Variants in PRH1 observed in about 807,000 individuals in gnomAD.
PRH1 encodes salivary acidic proline-rich phosphoprotein 1/2.
In PRH1, 7 loss-of-function variants were observed where a neutral mutation model predicts 7.9. The observed-to-expected ratio is 0.89, with a 90% CI of 0.50 to 1.67. The LOEUF is 1.67. Ranked by LOEUF, PRH1 falls within the 40% of genes most tolerant of loss-of-function variation. The probability of loss-of-function intolerance (pLI) is 0.00; values close to 1 mark genes in which losing one functional copy is unlikely to be tolerated. For synonymous variants in PRH1, 45 were observed against 80.8 expected, an observed-to-expected ratio of 0.56 and a Z score of 2.38; for missense variants, 109 against 223.6, an observed-to-expected ratio of 0.49 and a Z score of 3.27.
intron 1 of PRH1, among the ~76,000 whole-genome samples, chr12:11,040,503 G>A (rs1942664124): frequency 6.6e-6 from 1 of 152,126 alleles, no homozygotes; most frequent in Admixed American, 6.6e-5. Flanking sequence ...CTCATAAGTG[G>A]GAATTGAACA....
upstream of PRH1, among the ~76,000 whole-genome samples, chr12:11,051,360 T>C (rs1943135010): frequency 6.6e-6 from 1 of 152,218 alleles, no homozygotes; most frequent in Non-Finnish European, 1.5e-5. Context: ...ATGTATACAG[T>C]GTATTTTTCC....
chr12:11,104,211 A>T (rs1176948762), intron 1 of PRH1, among the ~76,000 whole-genome samples: 2 of 151,536 alleles, frequency 1.3e-5, no homozygotes, highest in Non-Finnish European at 1.5e-5. Flanking sequence ...AAAGGAAGAA[A>T]ATAGAATTTG....
At chr12:11,014,977 G>A (rs1467177278) in intron 1 of PRH1, among the ~76,000 whole-genome samples, 1 of 152,118 alleles carries the variant, frequency 6.6e-6, no homozygotes, top group African/African-American at 2.4e-5. Flanking sequence ...AGGCACCAGG[G>A]AGAGGCAATT....
intron 2 of PRH1, among the ~76,000 whole-genome samples, chr12:10,906,562 A>G (rs1949806318): frequency 1.3e-5 from 2 of 152,172 alleles, no homozygotes; most frequent in African/African-American, 2.4e-5. Flanking sequence ...CCCATGTGTT[A>G]TGGGAGGGAC....
At chr12:11,015,815 AT>A (rs954449518) in intron 1 of PRH1, among the ~76,000 whole-genome samples, 1 of 121,096 alleles carries the variant, frequency 8.3e-6, no homozygotes, top group African/African-American at 2.8e-5. Context: ...ATGAGTTACT[AT>A]TTTTTTATTA....
intron 1 of PRH1, among the ~76,000 whole-genome samples, chr12:11,023,122 A>G (rs930697037): frequency 9.2e-5 from 14 of 152,192 alleles, no homozygotes; most frequent in African/African-American, 3.4e-4. Flanking sequence ...CCTTTTATCA[A>G]AATCATCCAA....
chr12:11,055,855 T>C (rs575685960), intron 1 of PRH1, among the ~76,000 whole-genome samples: 1 of 141,660 alleles, frequency 7.1e-6, no homozygotes, highest in East Asian at 2.3e-4. Flanking sequence ...TTGATTCACC[T>C]TTTCTGTGCC....
intron 2 of PRH1, chr12:10,973,596 G>A (rs1255103688): frequency 4.0e-6 from 3 of 753,064 alleles, no homozygotes; most frequent in Non-Finnish European, 7.4e-6. Flanking sequence ...GATACAGGCA[G>A]AAACCAAGTG....
chr12:10,963,710 T>C (rs1293916630), intron 2 of PRH1, among the ~76,000 whole-genome samples: 2 of 152,220 alleles, frequency 1.3e-5, no homozygotes, highest in Non-Finnish European at 2.9e-5. Flanking sequence ...CTATTACAGA[T>C]ATGACTTTTT....
chr12:11,054,401 C>G (rs1943272575), intron 1 of PRH1, among the ~76,000 whole-genome samples: 1 of 151,594 alleles, frequency 6.6e-6, no homozygotes, highest in Non-Finnish European at 1.5e-5. Flanking sequence ...GAAATTCTCT[C>G]TACTGTTTAT....
intron 1 of PRH1, among the ~76,000 whole-genome samples, chr12:11,036,132 A>T (rs1221806575): frequency 5.3e-5 from 8 of 152,192 alleles, no homozygotes; most frequent in African/African-American, 1.9e-4. Context: ...TGACCTCGTG[A>T]TCCACCCACC....
chr12:10,963,699 C>T (rs985491064), intron 2 of PRH1, among the ~76,000 whole-genome samples: 1 of 152,086 alleles, frequency 6.6e-6, no homozygotes, highest in Non-Finnish European at 1.5e-5. Context: ...TTTCTTCATC[C>T]CTATTACAGA....
intron 1 of PRH1, chr12:11,133,208 A>T: frequency 6.6e-7 from 1 of 1,515,676 alleles, no homozygotes. Context: ...TACATGTGGA[A>T]ATTATTCATA....
intron 1 of PRH1, among the ~76,000 whole-genome samples, chr12:10,987,173 A>G (rs1939689158): frequency 6.6e-6 from 1 of 152,190 alleles, no homozygotes; most frequent in Admixed American, 6.5e-5. Flanking sequence ...ATTTTCATTT[A>G]CCAGCATGCA....
chr12:10,898,051 T>C (rs1188151428), intron 2 of PRH1, among the ~76,000 whole-genome samples: 3 of 152,236 alleles, frequency 2.0e-5, no homozygotes, highest in Non-Finnish European at 4.4e-5. Flanking sequence ...TTTTCTCTTC[T>C]ATCCCAAATA....
intron 1 of PRH1, chr12:11,133,113 T>A: frequency 1.4e-6 from 1 of 714,056 alleles, no homozygotes; most frequent in Non-Finnish European, 1.9e-6. Flanking sequence ...TGTTCTTCAG[T>A]TTTTCATACA....
rs146833217 is a variant in PRH1, at chr12:10,938,949, T to A, written c.-59+34706A>T. On this transcript the variant is annotated intron_variant, in intron 2 of 3. Coordinates refer to the PRH1 transcript ENST00000539853. ...AAATGATTGATCACTGTCCAGATAT[T>A]AGTAAGCATTCTGAACATTTTTTCA... 7.7e-4 allele frequency: 1,245 copies of A among 1,613,720 alleles called. 8 individuals are homozygous for A. The African/African-American group carries it at 0.015, about 19-fold the overall frequency.
Position 10,909,049 on chromosome 12 carries a change from T to C in PRH1, c.-58-24774A>G, listed in dbSNP as rs761474789. 34 of 1,613,518 alleles carry C rather than the reference T, an allele frequency of 2.1e-5. 1 individual carries two copies. The Admixed American group carries it at 2.3e-4, about 11-fold the overall frequency. On this transcript the variant is annotated intron_variant, in intron 2 of 3. Transcript: ENST00000539853. ...GAAACTATCCAGCTAAAAATCATAA[T>C]TCTTAATCCTGTTCCAGACACAAAT...
chr12:10,923,110 G>A, intron 2 of PRH1, among the ~76,000 whole-genome samples: 1 of 148,396 alleles, frequency 6.7e-6, no homozygotes, highest in Non-Finnish European at 1.5e-5. Context: ...TTACAGGCGT[G>A]AGCCACCGCG....
Sources: allele counts gnomAD v4.1 joint callset (sites outside exome capture counted in the v4.1 genomes callset), GRCh38; gene constraint gnomAD v4.1.1; transcripts MANE v1.5; gene names NCBI Gene and HGNC (gene_info 2026-07-23, HGNC 2026-07-21).